Variants in ANO3 observed in about 807,000 individuals in gnomAD.
The protein encoded by ANO3 is anoctamin 3.
In ANO3, 99 loss-of-function variants were observed where a neutral mutation model predicts 144.8. The ratio of observed to expected loss-of-function variants is 0.68; its 90% CI spans 0.58 to 0.81. The LOEUF (loss-of-function observed/expected upper bound fraction) is 0.81, where lower values mean the gene tolerates loss of function less well. Among genes scored for constraint, ANO3 ranks in the 30% least tolerant of loss-of-function variants. The pLI is 0.00. For missense variants in ANO3, 905 were observed against 1,202.2 expected (o/e 0.75, Z 3.66); for synonymous variants, 414 against 392.6 (o/e 1.05, Z -0.64).
intron 1 of ANO3, among the ~76,000 whole-genome samples, chr11:26,295,108 G>T (rs540409541): frequency 6.6e-5 from 10 of 151,762 alleles, no homozygotes; most frequent in South Asian, 2.1e-4. Flanking sequence ...TAGAGATGGG[G>T]TTTCACCATG....
intron 1 of ANO3, among the ~76,000 whole-genome samples, chr11:26,284,699 A>G (rs1055664087): frequency 3.3e-5 from 5 of 151,964 alleles, no homozygotes; most frequent in Admixed American, 6.6e-5. Context: ...GGAGATCCAG[A>G]CCATCCTGGC....
In ANO3 at chr11:26,441,448, T is replaced by C. The variant is rs1403676006; in HGVS notation, c.47-470T>C. 5.3e-5 allele frequency among the ~76,000 whole-genome samples: 8 copies of C among 152,258 alleles called. No individual in the cohort carries two copies. In the East Asian group the frequency reaches 1.5e-3, roughly 29 times the overall value. On this transcript the variant is annotated intron_variant, in intron 1 of 26. Coordinates refer to ENST00000256737, the MANE Select transcript of ANO3 (RefSeq NM_031418.4). ...CCAGTTTTTATACTATGTTATGCTATCTCTTTCCAGCCTCTAAGTCACTGT... is the reference window on the plus strand; with the variant it reads ...CCAGTTTTTATACTATGTTATGCTACCTCTTTCCAGCCTCTAAGTCACTGT...
intron 17 of ANO3, among the ~76,000 whole-genome samples, chr11:26,624,075 C>T (rs1019789810): frequency 1.3e-5 from 2 of 152,274 alleles, no homozygotes; most frequent in Admixed American, 6.5e-5. Context: ...CGTGAGCCAC[C>T]GCGCCCGGCC....
At chr11:26,315,655 GTCTGTCTATCTATCTATCTA>G (rs1219701100) in intron 1 of ANO3, among the ~76,000 whole-genome samples, 1 of 141,404 alleles carries the variant, frequency 7.1e-6, no homozygotes, top group Non-Finnish European at 1.5e-5. Flanking sequence ...CTATCTATCT[GTCTGTCTATCTATCTATCTA>G]TCTATCTATC....
At chr11:26,613,499 T>C (rs1326248029) in intron 17 of ANO3, among the ~76,000 whole-genome samples, 1 of 152,244 alleles carries the variant, frequency 6.6e-6, no homozygotes, top group East Asian at 1.9e-4. Flanking sequence ...TTTTCTTTTC[T>C]TTGGGGTCTG....
intron 1 of ANO3, among the ~76,000 whole-genome samples, chr11:26,257,323 A>G (rs1853082575): frequency 6.6e-6 from 1 of 152,060 alleles, no homozygotes; most frequent in African/African-American, 2.4e-5. Context: ...GATATCATAC[A>G]ATCTGACCCA....
At chr11:26,449,487 T>TCACA (rs765372417) in intron 3 of ANO3, among the ~76,000 whole-genome samples, 2 of 28,076 alleles carry the variant, frequency 7.1e-5, no homozygotes, top group African/African-American at 1.5e-4. Context: ...TCTCTCTCTC[T>TCACA]CACACACACA....
At chr11:26,298,073 C>T (rs1478462187) in intron 1 of ANO3, among the ~76,000 whole-genome samples, 1 of 152,160 alleles carries the variant, frequency 6.6e-6, no homozygotes, top group Non-Finnish European at 1.5e-5. Flanking sequence ...TCTTCTCTGC[C>T]TGGATTCTCA....
At chr11:26,463,555 T>TC (rs11376416) in intron 4 of ANO3, among the ~76,000 whole-genome samples, 11,141 of 151,924 alleles carry the variant, frequency 0.073, 691 homozygotes, top group African/African-American at 0.17. Flanking sequence ...GTTTTTCTCA[T>TC]TTGAAATATG....
At chr11:26,628,457 C>A (rs1228907775) in intron 18 of ANO3, among the ~76,000 whole-genome samples, 1 of 152,164 alleles carries the variant, frequency 6.6e-6, no homozygotes, top group Admixed American at 6.5e-5. Context: ...GCCAGAAATA[C>A]ATTACCCTAG....
intron 1 of ANO3, among the ~76,000 whole-genome samples, chr11:26,332,903 T>C (rs1855093022): frequency 6.6e-6 from 1 of 152,144 alleles, no homozygotes; most frequent in African/African-American, 2.4e-5. Flanking sequence ...TCTAGGGGCT[T>C]CGTATTATGT....
intron 1 of ANO3, among the ~76,000 whole-genome samples, chr11:26,356,329 C>G (rs760142138): frequency 2.0e-5 from 3 of 152,094 alleles, no homozygotes; most frequent in Non-Finnish European, 4.4e-5. Context: ...AAACCACAAT[C>G]ACAATCAAGA....
intron 1 of ANO3, among the ~76,000 whole-genome samples, chr11:26,413,047 G>A (rs571004683): frequency 1.3e-5 from 2 of 151,990 alleles, no homozygotes; most frequent in East Asian, 3.9e-4. Flanking sequence ...AGACTCATGA[G>A]AGCTGGAACA....
Position 26,559,925 on chromosome 11 carries a change from G to C in ANO3, c.1447+146G>C. 6 of 612,736 alleles carry C rather than the reference G, an allele frequency of 9.8e-6. No homozygotes were observed. The East Asian group carries it at 1.3e-4, about 13-fold the overall frequency. 38.0% of individuals were successfully genotyped at this position (612,736 alleles called of 1,614,324 possible). On this transcript the variant is annotated intron_variant, in intron 14 of 26. Transcript: ENST00000256737. ...CTCTAGGTTGGTACTTGATTTGTTTGCTCTCTTCATATATTCAGTGCTTCT... is the reference window on the plus strand; with the variant it reads ...CTCTAGGTTGGTACTTGATTTGTTTCCTCTCTTCATATATTCAGTGCTTCT...
chr11:26,428,364 AC>A (rs1304164230), intron 1 of ANO3, among the ~76,000 whole-genome samples: 10 of 152,170 alleles, frequency 6.6e-5, no homozygotes, highest in Admixed American at 6.6e-4. Flanking sequence ...TTGTAATAAA[AC>A]TATTAAACTC....
chr11:26,236,674 C>T (rs148082343), intron 1 of ANO3, among the ~76,000 whole-genome samples: 7 of 151,638 alleles, frequency 4.6e-5, no homozygotes, highest in African/African-American at 1.2e-4. Flanking sequence ...AAAAATTAGC[C>T]GGGCATGGTG....
At chr11:26,233,110 G>A (rs1340712742) in intron 1 of ANO3, among the ~76,000 whole-genome samples, 26 of 151,842 alleles carry the variant, frequency 1.7e-4, no homozygotes, top group Middle Eastern at 3.4e-3. Context: ...CCAGCTACTC[G>A]GGAGGCTGAG....
intron 13 of ANO3, among the ~76,000 whole-genome samples, chr11:26,558,076 C>T (rs900215100): frequency 1.3e-5 from 2 of 152,020 alleles, no homozygotes; most frequent in African/African-American, 2.4e-5. Flanking sequence ...GGAAGATGTT[C>T]CTAAACTATT....
intron 1 of ANO3, among the ~76,000 whole-genome samples, chr11:26,420,281 T>C (rs1259162047): frequency 6.6e-6 from 1 of 152,112 alleles, no homozygotes; most frequent in African/African-American, 2.4e-5. Flanking sequence ...TTTTAGTCTC[T>C]GGTGGTAGAA....
Sources: gnomAD v4.1 joint callset for allele counts (sites outside exome capture counted in the v4.1 genomes callset) on GRCh38, gnomAD v4.1.1 for gene constraint, MANE v1.5 for transcripts, NCBI Gene and HGNC (gene_info 2026-07-23, HGNC 2026-07-21) for gene names.